CFAP221: variants seen among roughly 807,000 people sequenced by gnomAD.
CFAP221 encodes the protein cilia and flagella associated protein 221.
Under a neutral mutation model 113.1 loss-of-function variants are expected in CFAP221, and 97 were observed. The observed-to-expected ratio is 0.86, with a 90% confidence interval of 0.73 to 1.02. The LOEUF is 1.02. Among genes scored for constraint, CFAP221 ranks in the 50% least tolerant of loss-of-function variants. The probability of loss-of-function intolerance (pLI) is 0.00; values close to 1 mark genes in which losing one functional copy is unlikely to be tolerated. For missense variants in CFAP221, 1,025 were observed against 1,013.4 expected (o/e 1.01, Z -0.16); for synonymous variants, 331 against 354.4 (o/e 0.93, Z 0.74).
chr2:119,604,255 G>A (rs901162830), intron 8 of CFAP221, among the ~76,000 whole-genome samples: 1 of 152,106 alleles, frequency 6.6e-6, no homozygotes, highest in African/African-American at 2.4e-5. Context: ...CCAACATGGT[G>A]AAACCCCGTC....
chr2:119,610,727 G>A (rs989491213), intron 12 of CFAP221, among the ~76,000 whole-genome samples: 10 of 152,140 alleles, frequency 6.6e-5, no homozygotes, highest in African/African-American at 2.2e-4. Flanking sequence ...GGGTGTTAAT[G>A]TGATGATCAG....
At chr2:119,651,621 G>C (rs762565745) in intron 22 of CFAP221, among the ~76,000 whole-genome samples, 1 of 152,088 alleles carries the variant, frequency 6.6e-6, no homozygotes. Context: ...AACATATTCC[G>C]ACTAATTTTA....
At chr2:119,558,270 G>C (rs1370870478) in intron 3 of CFAP221, among the ~76,000 whole-genome samples, 2 of 152,132 alleles carry the variant, frequency 1.3e-5, no homozygotes, top group African/African-American at 4.8e-5. Context: ...CCAGGACTCT[G>C]AGTGTGATGG....
intron 3 of CFAP221, among the ~76,000 whole-genome samples, chr2:119,559,171 G>A (rs1353396596): frequency 6.6e-6 from 1 of 152,202 alleles, no homozygotes; most frequent in African/African-American, 2.4e-5. Context: ...GTCACTGTCA[G>A]AGAATTCCCA....
chr2:119,564,132 T>G (rs900604197), intron 6 of CFAP221, among the ~76,000 whole-genome samples: 5 of 152,122 alleles, frequency 3.3e-5, no homozygotes, highest in Admixed American at 1.3e-4. Context: ...ACCGGGTGGA[T>G]CAAGTTAGAA....
rs531428110 is a variant in CFAP221, at chr2:119,595,410, AT to A, written c.632-5800del. 5.9e-5 allele frequency among the ~76,000 whole-genome samples: 9 copies of A among 151,976 alleles called. 1 individual carries two copies. The highest frequency in any genetic ancestry group is 2.1e-4 in the South Asian group (1 of 4,810). The stretch of plus-strand genomic sequence containing the variant: ...TTATAGCCACTTCCCTATTTAATAG[AT>A]TTTTTTTCCTTACCATTTTTACCCT... On this transcript the variant is annotated intron_variant, in intron 7 of 23. Transcript: ENST00000413369.
chr2:119,577,253 C>T (rs747867398), intron 6 of CFAP221, among the ~76,000 whole-genome samples: 4 of 152,232 alleles, frequency 2.6e-5, no homozygotes, highest in Non-Finnish European at 5.9e-5. Flanking sequence ...GTGCCACCCT[C>T]ATGACCTCAT....
chr2:119,627,048 A>G (rs1412737076), intron 15 of CFAP221, among the ~76,000 whole-genome samples: 1 of 151,908 alleles, frequency 6.6e-6, no homozygotes, highest in African/African-American at 2.4e-5. Flanking sequence ...TCTTCTCCCA[A>G]TACATATATT....
intron 14 of CFAP221, among the ~76,000 whole-genome samples, chr2:119,618,791 C>T (rs571208444): frequency 3.3e-5 from 5 of 152,232 alleles, no homozygotes; most frequent in African/African-American, 1.2e-4. Context: ...TCATCTAGCT[C>T]GGCGAATCCC....
At chr2:119,571,859 A>G (rs577710520) in intron 6 of CFAP221, among the ~76,000 whole-genome samples, 3 of 152,376 alleles carry the variant, frequency 2.0e-5, no homozygotes, top group Non-Finnish European at 2.9e-5. Flanking sequence ...TCAGAAGGGT[A>G]TGTTTTCCCT....
chr2:119,629,008 A>T (rs1459923636), intron 16 of CFAP221, among the ~76,000 whole-genome samples: 1 of 152,212 alleles, frequency 6.6e-6, no homozygotes, highest in Non-Finnish European at 1.5e-5. Context: ...TTATTGAAAA[A>T]TAGAGCGCTC....
At chr2:119,610,583 C>T (rs182107108) in intron 12 of CFAP221, among the ~76,000 whole-genome samples, 207 of 152,246 alleles carry the variant, frequency 1.4e-3, no homozygotes, top group Non-Finnish European at 2.5e-3. Flanking sequence ...TGGTGGGGGT[C>T]TGGGTCTCCC....
chr2:119,604,831 C>T (rs1568540), intron 9 of CFAP221, 39 bp downstream of exon 9: 1,513,995 of 1,608,756 alleles, frequency 0.94, 713,836 homozygotes, highest in Middle Eastern at 0.98. Flanking sequence ...GAAAGGGTGA[C>T]AGAGGGGCAG....
chr2:119,643,585 C>T (rs1687625259), intron 21 of CFAP221, among the ~76,000 whole-genome samples: 1 of 152,130 alleles, frequency 6.6e-6, no homozygotes, highest in Non-Finnish European at 1.5e-5. Context: ...CACTCTGTCA[C>T]CCAGGCTGGA....
chr2:119,569,377 C>G (rs1681881135), intron 6 of CFAP221, among the ~76,000 whole-genome samples: 1 of 151,996 alleles, frequency 6.6e-6, no homozygotes, highest in Non-Finnish European at 1.5e-5. Context: ...CTCGACCTCC[C>G]AAAGTGCTGG....
intron 14 of CFAP221, among the ~76,000 whole-genome samples, chr2:119,622,863 G>A (rs5917117): frequency 6.6e-6 from 1 of 152,066 alleles, no homozygotes; most frequent in Non-Finnish European, 1.5e-5. Flanking sequence ...TTGATGGAAC[G>A]TATCTCAAAA....
At chr2:119,629,561 A>G (rs1038402340) in intron 16 of CFAP221, among the ~76,000 whole-genome samples, 9 of 152,008 alleles carry the variant, frequency 5.9e-5, no homozygotes, top group Admixed American at 1.3e-4. Context: ...AGGTGTTTCT[A>G]TCCCTACACT....
In CFAP221 at chr2:119,560,041, A is replaced by G; in HGVS notation, c.426+15A>G. 1 of 1,272,122 alleles carries G rather than the reference A, an allele frequency of 7.9e-7. No individual in the cohort carries two copies. The highest frequency in any genetic ancestry group is 1.4e-5 in the South Asian group (1 of 70,168). The allele number at this position is 1,272,122 out of a possible 1,614,324, so 78.8% of individuals were successfully genotyped here. ...TTCACTGTAAGGTAGGTCTCTTAAA[A>G]TTGCTTTTTTTTTTTTTTTTTTTTG... On this transcript the variant is annotated intron_variant, in intron 5 of 23. Coordinates refer to ENST00000413369, the MANE Select transcript of CFAP221 (RefSeq NM_001271049.2).
rs572390068 is a variant in CFAP221 at position 119,635,623 on chromosome 2, G to T, written c.1975-2636G>T. On this transcript the variant is annotated intron_variant, in intron 19 of 23. Coordinates refer to ENST00000413369, the MANE Select transcript of CFAP221 (RefSeq NM_001271049.2). Reference sequence around the variant, plus strand: ...TTATGTTTATGACGGCAATGGTTTTGCAGGTGAAACAAATGTTATATCAAA... The same window carrying T: ...TTATGTTTATGACGGCAATGGTTTTTCAGGTGAAACAAATGTTATATCAAA... Among the ~76,000 whole-genome samples, 5 of 152,254 alleles carry T rather than the reference G, an allele frequency of 3.3e-5. No individual in the cohort carries two copies. The East Asian group carries it at 7.7e-4, about 24-fold the overall frequency.
Sources: gnomAD v4.1 joint callset for allele counts (sites outside exome capture counted in the v4.1 genomes callset) on GRCh38, gnomAD v4.1.1 for gene constraint, MANE v1.5 for transcripts, NCBI Gene and HGNC (gene_info 2026-07-23, HGNC 2026-07-21) for gene names.